Variants in PPP1R17 observed in about 807,000 individuals in gnomAD.
The protein encoded by PPP1R17 is G-substrate.
PPP1R17 carries 12 observed loss-of-function variants against 15.9 expected under a neutral mutation model. The observed-to-expected ratio is 0.75, with a 90% CI of 0.48 to 1.22. PPP1R17 has a LOEUF of 1.22. PPP1R17 is among the 50% of genes most tolerant of loss of function. PPP1R17 has a pLI of 0.00. For missense variants in PPP1R17, 211 were observed against 187.3 expected (o/e 1.13, Z -0.74); for synonymous variants, 63 against 64.5 (o/e 0.98, Z 0.11).
At chr7:31,689,717 C>A (rs932952072) in intron 1 of PPP1R17, among the ~76,000 whole-genome samples, 1 of 152,144 alleles carries the variant, frequency 6.6e-6, no homozygotes, top group African/African-American at 2.4e-5. Flanking sequence ...CTCCAAATGT[C>A]TTTCCCCTCC....
intron 1 of PPP1R17, among the ~76,000 whole-genome samples, chr7:31,692,147 G>A (rs1792382747): frequency 6.6e-6 from 1 of 152,156 alleles, no homozygotes. Flanking sequence ...GTGTCTCTGA[G>A]AGAGGGCAAA....
chr7:31,696,778 T>G (rs574523649), intron 3 of PPP1R17, among the ~76,000 whole-genome samples, 187 bp from the exon 4 acceptor site: 1 of 152,222 alleles, frequency 6.6e-6, no homozygotes, highest in African/African-American at 2.4e-5. Context: ...ACCTTTTGTA[T>G]AGACAAGGTT....
At chr7:31,689,534 T>C (rs1023590676) in intron 1 of PPP1R17, among the ~76,000 whole-genome samples, 5 of 151,976 alleles carry the variant, frequency 3.3e-5, no homozygotes, top group African/African-American at 1.2e-4. Flanking sequence ...GAGTCAGGAA[T>C]AGGAAATGGA....
At chr7:31,700,486 T>C (rs1023857435) in intron 4 of PPP1R17, among the ~76,000 whole-genome samples, 2 of 152,304 alleles carry the variant, frequency 1.3e-5, no homozygotes, top group Admixed American at 1.3e-4. Flanking sequence ...CCCATAAAAG[T>C]GCAAAGTGAA....
chr7:31,705,289 C>T (rs1793019761), intron 4 of PPP1R17, among the ~76,000 whole-genome samples: 1 of 152,160 alleles, frequency 6.6e-6, no homozygotes, highest in Admixed American at 6.5e-5. Flanking sequence ...GATTTGGGAA[C>T]TTAAAGGCTC....
At position 31,696,964 on chromosome 7, in the gene PPP1R17, G is replaced by A; in HGVS notation, c.236-1G>A. 1 of 1,613,888 alleles carries A rather than the reference G, an allele frequency of 6.2e-7. No homozygotes were observed. Among genetic ancestry groups the A allele is most frequent in the Non-Finnish European group, 8.5e-7 (1 of 1,179,892 alleles). ...CTCTCTGTGTTCCCCTAACCATGCA[G>A]GTGTGTTTTCAGAACATTTAATTAA... On this transcript the variant is annotated splice_acceptor_variant, in intron 3 of 4. Transcript: ENST00000342032. LOFTEE classifies it high-confidence loss of function.
chr7:31,702,356 T>C (rs1744892874), intron 4 of PPP1R17, among the ~76,000 whole-genome samples: 1 of 152,092 alleles, frequency 6.6e-6, no homozygotes, highest in Non-Finnish European at 1.5e-5. Flanking sequence ...AATGGAGAAA[T>C]GGTCCAAGGA....
intron 4 of PPP1R17, among the ~76,000 whole-genome samples, chr7:31,698,334 C>G (rs1400377176): frequency 6.6e-6 from 1 of 152,182 alleles, no homozygotes; most frequent in Non-Finnish European, 1.5e-5. Flanking sequence ...GCACTTCTGT[C>G]CTTGTTCCTC....
chr7:31,704,409 C>A (rs1421251126), intron 4 of PPP1R17, among the ~76,000 whole-genome samples: 2 of 152,174 alleles, frequency 1.3e-5, no homozygotes, highest in Non-Finnish European at 2.9e-5. Flanking sequence ...GACTGGCAGT[C>A]TTGGTCTTAA....
intron 4 of PPP1R17, among the ~76,000 whole-genome samples, chr7:31,697,981 A>G (rs1346209854): frequency 6.6e-6 from 1 of 152,212 alleles, no homozygotes; most frequent in Non-Finnish European, 1.5e-5. Flanking sequence ...AGATGAGATG[A>G]CTAGATGGAC....
intron 4 of PPP1R17, among the ~76,000 whole-genome samples, chr7:31,700,347 C>T (rs1411377365): frequency 6.6e-6 from 1 of 152,086 alleles, no homozygotes; most frequent in Non-Finnish European, 1.5e-5. Flanking sequence ...TAAGCCAAAG[C>T]CTAATCCAGA....
intron 4 of PPP1R17, among the ~76,000 whole-genome samples, chr7:31,697,377 C>T (rs771736175): frequency 1.2e-4 from 18 of 152,176 alleles, no homozygotes; most frequent in South Asian, 2.1e-4. Context: ...ACTGAGCCAA[C>T]GGAATAGAAA....
At chr7:31,688,521 A>G (rs1209841863) in intron 1 of PPP1R17, among the ~76,000 whole-genome samples, 7 of 152,240 alleles carry the variant, frequency 4.6e-5, no homozygotes, top group African/African-American at 7.2e-5. Context: ...TTTCTGCAAT[A>G]TAGTGGGGTC....
chr7:31,700,969 A>G (rs1243317643), intron 4 of PPP1R17, among the ~76,000 whole-genome samples: 2 of 152,220 alleles, frequency 1.3e-5, no homozygotes, highest in Non-Finnish European at 2.9e-5. Flanking sequence ...AAGAGCTCTG[A>G]TGGAGGCACA....
chr7:31,700,935 C>T (rs1181963418), intron 4 of PPP1R17, among the ~76,000 whole-genome samples: 1 of 152,166 alleles, frequency 6.6e-6, no homozygotes, highest in African/African-American at 2.4e-5. Context: ...TATTACTGCT[C>T]ATTAACAATG....
intron 2 of PPP1R17, among the ~76,000 whole-genome samples, chr7:31,694,873 A>G (rs1792510154): frequency 6.6e-6 from 1 of 152,188 alleles, no homozygotes; most frequent in African/African-American, 2.4e-5. Flanking sequence ...AAGTAAATAA[A>G]TGAGTCAGAA....
In PPP1R17 at chr7:31,707,336, G is replaced by A. The variant is rs1236230830; in HGVS notation, c.*53G>A. On this transcript the variant is annotated 3_prime_UTR_variant, in exon 5 of 5. Coordinates refer to ENST00000342032, the MANE Select transcript of PPP1R17 (RefSeq NM_006658.5). ...ATAGGTTAGATTGGTTCCCTGTGGT[G>A]ACCTAGAGAAAAAATAGACTTGTTT... 2.7e-6 allele frequency: 4 copies of A among 1,461,608 alleles called. No homozygotes were observed. Among genetic ancestry groups the A allele is most frequent in the African/African-American group, 2.8e-5 (2 of 70,662 alleles). 90.5% of individuals were successfully genotyped at this position (1,461,608 alleles called of 1,614,324 possible). A position where few individuals can be genotyped will look rare whatever the true frequency, so the allele number is the denominator to read the frequency against.
At chr7:31,704,074 A>T (rs1792966809) in intron 4 of PPP1R17, among the ~76,000 whole-genome samples, 1 of 152,250 alleles carries the variant, frequency 6.6e-6, no homozygotes, top group Admixed American at 6.5e-5. Flanking sequence ...TGAAAAAGGA[A>T]TAATGAGGCT....
intron 4 of PPP1R17, 35 bp downstream of exon 4, chr7:31,697,152 G>T: frequency 1.2e-6 from 2 of 1,609,916 alleles, no homozygotes; most frequent in Non-Finnish European, 1.7e-6. Flanking sequence ...TGCAGGGGGT[G>T]ATGGGGACAG....
Sources: gnomAD v4.1 joint callset for allele counts (sites outside exome capture counted in the v4.1 genomes callset) on GRCh38, gnomAD v4.1.1 for gene constraint, MANE v1.5 for transcripts, NCBI Gene and HGNC (gene_info 2026-07-23, HGNC 2026-07-21) for gene names.